Variants in ERC2 observed in about 807,000 individuals in gnomAD.
ERC2 encodes the protein ERC protein 2.
Under a neutral mutation model 114.8 loss-of-function variants are expected in ERC2, and 42 were observed. The ratio of observed to expected loss-of-function variants is 0.37; its 90% CI spans 0.29 to 0.47. ERC2 has a LOEUF of 0.47. ERC2 is among the 20% of genes least tolerant of loss of function. The pLI is 0.99. For missense variants in ERC2, 939 were observed against 1,150.7 expected, an observed-to-expected ratio of 0.82 and a Z score of 2.66; for synonymous variants, 454 against 425.5, an observed-to-expected ratio of 1.07 and a Z score of -0.82.
chr3:56,421,607 T>C (rs56225742), intron 2 of ERC2, among the ~76,000 whole-genome samples: 6,609 of 152,256 alleles, frequency 0.043, 369 homozygotes, highest in African/African-American at 0.12. Context: ...CGCTTTTTCA[T>C]AAGAGATATA....
chr3:56,337,953 A>C (rs751650542), intron 2 of ERC2, among the ~76,000 whole-genome samples: 9 of 152,276 alleles, frequency 5.9e-5, no homozygotes, highest in Non-Finnish European at 1.2e-4. Flanking sequence ...TCATGGCTAC[A>C]TTCAACAAAA....
intron 14 of ERC2, among the ~76,000 whole-genome samples, chr3:55,768,818 T>C (rs563674248): frequency 2.0e-5 from 3 of 152,228 alleles, no homozygotes; most frequent in East Asian, 3.9e-4. Context: ...CACACCCTAG[T>C]TGGGGGTTGG....
At chr3:56,068,819 C>A (rs1478486620) in intron 7 of ERC2, among the ~76,000 whole-genome samples, 2 of 152,132 alleles carry the variant, frequency 1.3e-5, no homozygotes, top group Non-Finnish European at 2.9e-5. Flanking sequence ...CATTCAGGAG[C>A]AGGTTGTTCA....
intron 2 of ERC2, among the ~76,000 whole-genome samples, chr3:56,312,808 G>GA (rs1167456893): frequency 6.7e-6 from 1 of 149,368 alleles, no homozygotes; most frequent in Non-Finnish European, 1.5e-5. Context: ...ATAATGTACA[G>GA]AAAAAAATTG....
chr3:55,656,735 C>T (rs1214542924), intron 17 of ERC2, among the ~76,000 whole-genome samples: 1 of 152,162 alleles, frequency 6.6e-6, no homozygotes, highest in Non-Finnish European at 1.5e-5. Context: ...AGTTAGACTC[C>T]GAAGGCCAGC....
chr3:55,919,899 G>C (rs1559871417), intron 13 of ERC2, among the ~76,000 whole-genome samples: 1 of 152,138 alleles, frequency 6.6e-6, no homozygotes, highest in Non-Finnish European at 1.5e-5. Flanking sequence ...TAAGGAGGAG[G>C]CCACTGAGTA....
chr3:56,268,991 C>A (rs947530375), intron 3 of ERC2, among the ~76,000 whole-genome samples: 1 of 152,032 alleles, frequency 6.6e-6, no homozygotes, highest in Non-Finnish European at 1.5e-5. Context: ...TAGTAACAAT[C>A]AGCTAGGTTT....
At chr3:55,902,139 A>G (rs1464255094) in intron 13 of ERC2, among the ~76,000 whole-genome samples, 1 of 152,178 alleles carries the variant, frequency 6.6e-6, no homozygotes, top group East Asian at 1.9e-4. Context: ...AAATCACAGT[A>G]AAGCTTCATC....
chr3:55,656,284 G>A (rs1243605634), intron 17 of ERC2, among the ~76,000 whole-genome samples: 1 of 152,052 alleles, frequency 6.6e-6, no homozygotes, highest in Non-Finnish European at 1.5e-5. Flanking sequence ...GACTACAGGA[G>A]TACACCCCCA....
chr3:55,563,328 CTTTTT>C (rs57775830), intron 17 of ERC2, among the ~76,000 whole-genome samples: 5 of 138,892 alleles, frequency 3.6e-5, no homozygotes, highest in Admixed American at 7.2e-5. Flanking sequence ...AGTGTCTTTC[CTTTTT>C]TTTTTTTTTT....
chr3:55,606,060 G>A (rs868114648), intron 17 of ERC2, among the ~76,000 whole-genome samples: 25 of 152,264 alleles, frequency 1.6e-4, no homozygotes, highest in Middle Eastern at 3.4e-3. Context: ...TGGTCTCTGT[G>A]GGTTTATTCT....
chr3:56,294,191 G>A (rs2150353421), intron 3 of ERC2, among the ~76,000 whole-genome samples: 1 of 152,344 alleles, frequency 6.6e-6, no homozygotes, highest in South Asian at 2.1e-4. Flanking sequence ...AGTAAGACAT[G>A]GAGAAAATTA....
intron 2 of ERC2, among the ~76,000 whole-genome samples, chr3:56,420,455 G>A (rs1487595002): frequency 6.6e-6 from 1 of 151,956 alleles, no homozygotes; most frequent in Non-Finnish European, 1.5e-5. Flanking sequence ...TAGGATTACA[G>A]GCATAAGCCA....
At chr3:56,081,415 G>A (rs1441319064) in intron 6 of ERC2, among the ~76,000 whole-genome samples, 1 of 152,028 alleles carries the variant, frequency 6.6e-6, no homozygotes, top group Non-Finnish European at 1.5e-5. Flanking sequence ...ACATCCAGAG[G>A]AACAAGATTG....
At chr3:56,196,770 C>A (rs2048131998) in intron 3 of ERC2, among the ~76,000 whole-genome samples, 1 of 152,166 alleles carries the variant, frequency 6.6e-6, no homozygotes, top group Non-Finnish European at 1.5e-5. Flanking sequence ...ATAAATGTTT[C>A]TTCAAGATAG....
intron 3 of ERC2, among the ~76,000 whole-genome samples, chr3:56,264,182 C>T (rs1395695754): frequency 1.3e-5 from 2 of 152,140 alleles, no homozygotes; most frequent in Non-Finnish European, 2.9e-5. Context: ...TTATGAGAAG[C>T]ACACAGCTAA....
chr3:55,567,186 G>A (rs1025951388), intron 17 of ERC2, among the ~76,000 whole-genome samples: 42 of 152,220 alleles, frequency 2.8e-4, no homozygotes, highest in African/African-American at 9.6e-4. Context: ...CAACTAGCCA[G>A]GGTTATGTGA....
chr3:56,285,824 T>C (rs2054661375), intron 3 of ERC2, among the ~76,000 whole-genome samples: 1 of 152,144 alleles, frequency 6.6e-6, no homozygotes, highest in South Asian at 2.1e-4. Flanking sequence ...ACTAATTGTG[T>C]AGGGCTAAAA....
intron 16 of ERC2, among the ~76,000 whole-genome samples, chr3:55,692,414 T>A (rs1355305869): frequency 3.3e-5 from 5 of 152,158 alleles, no homozygotes; most frequent in African/African-American, 1.2e-4. Flanking sequence ...AGGAAACACA[T>A]GGGCCTGGAG....
Sources: allele counts gnomAD v4.1 joint callset (sites outside exome capture counted in the v4.1 genomes callset), GRCh38; gene constraint gnomAD v4.1.1; transcripts MANE v1.5; gene names NCBI Gene and HGNC (gene_info 2026-07-23, HGNC 2026-07-21).